The following MRTFA variants were observed in gnomAD, a reference collection of about 807,000 sequenced individuals.
MRTFA encodes the protein myocardin-related transcription factor A.
A neutral mutation model predicts 83.5 loss-of-function variants in MRTFA; 20 were observed. The ratio of observed to expected loss-of-function variants is 0.24; its 90% CI spans 0.17 to 0.35. The LOEUF is 0.35. MRTFA is among the 10% of genes least tolerant of loss of function. The pLI is 1.00. For missense variants in MRTFA, 1,200 were observed against 1,224.7 expected (o/e 0.98, Z 0.30); for synonymous variants, 659 against 541.2 (o/e 1.22, Z -3.02).
At chr22:40,435,687 C>G in intron 4 of MRTFA, 133 bp from the exon 5 acceptor site, 2 of 882,106 alleles carry the variant, frequency 2.3e-6, no homozygotes, top group Non-Finnish European at 1.9e-6. Context: ...AATCCCAACA[C>G]TTTGGGAGGC....
intron 3 of MRTFA, among the ~76,000 whole-genome samples, chr22:40,483,671 T>C (rs1486114389): frequency 6.7e-6 from 1 of 150,240 alleles, no homozygotes; most frequent in African/African-American, 2.5e-5. Context: ...GGTGACAGAG[T>C]GAGACTGTCT....
chr22:40,433,451 A>G (rs1280026515), intron 5 of MRTFA: 1 of 152,274 alleles, frequency 6.6e-6, no homozygotes. Context: ...CCTGGGCAAC[A>G]TAGCAAAATC....
chr22:40,584,148 T>A (rs2055989997), intron 2 of MRTFA, among the ~76,000 whole-genome samples: 1 of 152,216 alleles, frequency 6.6e-6, no homozygotes, highest in South Asian at 2.1e-4. Flanking sequence ...CAGACTCTTG[T>A]AAGGTCTCAA....
At chr22:40,485,288 G>C (rs1401036468) in intron 3 of MRTFA, among the ~76,000 whole-genome samples, 1 of 152,142 alleles carries the variant, frequency 6.6e-6, no homozygotes. Flanking sequence ...AATCTCACTA[G>C]TAGTTTCAGA....
intron 3 of MRTFA, among the ~76,000 whole-genome samples, chr22:40,468,342 C>A (rs550979083): frequency 6.6e-6 from 1 of 152,186 alleles, no homozygotes; most frequent in African/African-American, 2.4e-5. Context: ...CTACCTTATA[C>A]ATGTATTGAT....
chr22:40,448,695 T>C (rs960548072), intron 4 of MRTFA, among the ~76,000 whole-genome samples: 5 of 152,118 alleles, frequency 3.3e-5, no homozygotes, highest in Non-Finnish European at 7.3e-5. Flanking sequence ...AATTCTCCTA[T>C]TTCTTTTCCC....
intron 1 of MRTFA, among the ~76,000 whole-genome samples, chr22:40,613,367 T>C (rs1369923143): frequency 3.3e-5 from 5 of 152,222 alleles, no homozygotes; most frequent in African/African-American, 4.8e-5. Flanking sequence ...AAGAGTAGTA[T>C]TGCTAAATTG....
intron 1 of MRTFA, among the ~76,000 whole-genome samples, chr22:40,619,332 AAT>A (rs1311948193): frequency 6.6e-6 from 1 of 152,204 alleles, no homozygotes; most frequent in Non-Finnish European, 1.5e-5. Context: ...TGTTGGTAAA[AAT>A]ATGAATGTTA....
intron 4 of MRTFA, among the ~76,000 whole-genome samples, chr22:40,461,844 G>A (rs1022305535): frequency 5.9e-5 from 9 of 151,736 alleles, no homozygotes; most frequent in African/African-American, 2.2e-4. Context: ...TCCTCCATGT[G>A]GGTGATAATG....
intron 4 of MRTFA, among the ~76,000 whole-genome samples, chr22:40,453,974 T>A (rs1000811058): frequency 8.5e-5 from 13 of 152,232 alleles, no homozygotes; most frequent in African/African-American, 3.1e-4. Flanking sequence ...ATGATAGTCC[T>A]GCTAATATAT....
intron 1 of MRTFA, among the ~76,000 whole-genome samples, chr22:40,622,546 G>A (rs1376566166): frequency 6.6e-6 from 1 of 151,938 alleles, no homozygotes; most frequent in East Asian, 1.9e-4. Context: ...AGAGAAGAGG[G>A]AGGCAGAGAT....
intron 3 of MRTFA, among the ~76,000 whole-genome samples, chr22:40,535,252 G>C (rs950408279): frequency 2.6e-5 from 4 of 151,754 alleles, no homozygotes; most frequent in Non-Finnish European, 4.4e-5. Flanking sequence ...TCAAAGGTTA[G>C]CAACTAAGGG....
chr22:40,460,992 A>T (rs1157985223), intron 4 of MRTFA, among the ~76,000 whole-genome samples: 1 of 152,042 alleles, frequency 6.6e-6, no homozygotes, highest in Non-Finnish European at 1.5e-5. Context: ...TGAGCCCAGG[A>T]GTTCAAGACC....
chr22:40,439,608 T>C (rs917877083), intron 4 of MRTFA, among the ~76,000 whole-genome samples: 2 of 150,162 alleles, frequency 1.3e-5, no homozygotes, highest in African/African-American at 2.5e-5. Context: ...TTTAGATGCA[T>C]ATCTGAGTCC....
chr22:40,500,934 C>T (rs1431386649), intron 3 of MRTFA, among the ~76,000 whole-genome samples: 5 of 147,076 alleles, frequency 3.4e-5, no homozygotes, highest in African/African-American at 1.3e-4. Context: ...GGGTGGTGGC[C>T]GGGCAGAGGG....
intron 3 of MRTFA, among the ~76,000 whole-genome samples, chr22:40,527,131 T>TAC (rs35912231): frequency 0.16 from 22,859 of 146,346 alleles, 1,942 homozygotes; most frequent in East Asian, 0.3. Flanking sequence ...GCCTCAAAGA[T>TAC]ACACACACAC....
At chr22:40,570,956 G>C (rs1055809129) in intron 2 of MRTFA, among the ~76,000 whole-genome samples, 1 of 139,362 alleles carries the variant, frequency 7.2e-6, no homozygotes, top group Non-Finnish European at 1.5e-5. Flanking sequence ...TTGGGAGGCC[G>C]ATGTGAGTGG....
chr22:40,521,013 T>A (rs534701357), intron 3 of MRTFA, among the ~76,000 whole-genome samples: 1 of 152,080 alleles, frequency 6.6e-6, no homozygotes, highest in African/African-American at 2.4e-5. Context: ...GAGATAATTA[T>A]AGATTCACAT....
intron 7 of MRTFA, among the ~76,000 whole-genome samples, chr22:40,427,550 A>G (rs1602225696): frequency 6.6e-6 from 1 of 152,156 alleles, no homozygotes; most frequent in South Asian, 2.1e-4. Context: ...CTTGTCAGGG[A>G]TCGGATCTTG....
Sources: allele counts gnomAD v4.1 joint callset (sites outside exome capture counted in the v4.1 genomes callset), GRCh38; gene constraint gnomAD v4.1.1; transcripts MANE v1.5; gene names NCBI Gene and HGNC (gene_info 2026-07-23, HGNC 2026-07-21).